The following AGAP1 variants were observed in gnomAD, a reference collection of about 807,000 sequenced individuals.
AGAP1 encodes the protein arf-GAP with GTPase, ANK repeat and PH domain-containing protein 1.
A neutral mutation model predicts 105.3 loss-of-function variants in AGAP1; 29 were observed. The observed-to-expected ratio is 0.28, with a 90% CI of 0.21 to 0.38. The LOEUF is 0.38. Ranked by LOEUF, AGAP1 falls within the 10% of genes least tolerant of loss-of-function variation. AGAP1 has a pLI of 1.00. For missense variants in AGAP1, 998 were observed against 1,165.1 expected (o/e 0.86, Z 2.09); for synonymous variants, 509 against 485.9 (o/e 1.05, Z -0.63).
At position 236,002,395 on chromosome 2, in the gene AGAP1, T is replaced by C. The variant is rs2056159997; in HGVS notation, c.1645+33772T>C. On this transcript the variant is annotated intron_variant, in intron 13 of 17. Transcript: ENST00000304032. This position sits in a 1 kb window ranked among gnomAD's most constrained non-coding sequence, Gnocchi z 4.3. Reference sequence around the variant, plus strand: ...CTCATCCCCTTTCCCATCCTCACTCTCTTCCAAGTATCTGATTGCACGCAT... The same window carrying C: ...CTCATCCCCTTTCCCATCCTCACTCCCTTCCAAGTATCTGATTGCACGCAT... Among the ~76,000 whole-genome samples the C allele has an allele frequency of 6.6e-6, 1 of 152,168 alleles. No individual in the cohort carries two copies. Among genetic ancestry groups the C allele is most frequent in the South Asian group, 2.1e-4 (1 of 4,826 alleles).
At position 235,535,089 on chromosome 2, in the gene AGAP1, C is replaced by A. The variant is rs1943166171; in HGVS notation, c.163+40240C>A. On this transcript the variant is annotated intron_variant, in intron 1 of 17. Transcript: ENST00000304032. The surrounding 1 kb of genome is among the most constrained non-coding windows in gnomAD (Gnocchi z 5.1). ...GTCTGCAGATGTAAAACGACCTGCT[C>A]CCCCAGGTGAATGGATTCTCGCCAG... 6.6e-6 allele frequency among the ~76,000 whole-genome samples: 1 copy of A among 152,128 alleles called. No homozygotes were observed. The highest frequency in any genetic ancestry group is 6.5e-5 in the Admixed American group (1 of 15,274).
At chr2:235,997,184 G>C (rs1048947863) in intron 13 of AGAP1, among the ~76,000 whole-genome samples, 4 of 152,186 alleles carry the variant, frequency 2.6e-5, no homozygotes, top group Non-Finnish European at 5.9e-5. Flanking sequence ...CTGCCTCCCA[G>C]GTTCAAGTGA....
chr2:235,860,896 G>A lies in AGAP1; in HGVS notation c.1051-22449G>A, dbSNP rs143207582. On this transcript the variant is annotated intron_variant, in intron 9 of 17. Coordinates refer to ENST00000304032, the MANE Select transcript of AGAP1 (RefSeq NM_001037131.3). The stretch of plus-strand genomic sequence containing the variant: ...GCAATTATTTAATATTGTTGATGGG[G>A]CCCATAAAACAAATAGTACCAAATC... Among the ~76,000 whole-genome samples the A allele has an allele frequency of 2.5e-3, 374 of 152,212 alleles. 1 individual carries two copies. The highest frequency in any genetic ancestry group is 8.1e-3 in the African/African-American group (337 of 41,524).
chr2:235,886,185 G>A (rs535379965), intron 10 of AGAP1, among the ~76,000 whole-genome samples: 2 of 152,334 alleles, frequency 1.3e-5, no homozygotes, highest in South Asian at 4.1e-4. Flanking sequence ...TCCTCCTATG[G>A]ACCCTGTCAG....
At position 235,659,856 on chromosome 2, in the gene AGAP1, T is replaced by A. The variant is rs1381912433; in HGVS notation, c.164-49323T>A. 6.6e-6 allele frequency among the ~76,000 whole-genome samples: 1 copy of A among 152,216 alleles called. No individual in the cohort carries two copies. The highest frequency in any genetic ancestry group is 2.4e-5 in the African/African-American group (1 of 41,462). ...GGAACCAGCCAGCCACCTCTGGTCC[T>A]GGGAGGGTCAGGGACTCGTGAATCA... On this transcript the variant is annotated intron_variant, in intron 1 of 17. Transcript: ENST00000304032. This position sits in a 1 kb window ranked among gnomAD's most constrained non-coding sequence, Gnocchi z 5.0.
chr2:235,580,361 C>T (rs200678186), intron 1 of AGAP1, among the ~76,000 whole-genome samples: 1 of 151,318 alleles, frequency 6.6e-6, no homozygotes, highest in Non-Finnish European at 1.5e-5. Context: ...GAAGACGTGC[C>T]GGCCGCTTAC....
chr2:235,857,204 G>A (rs1228516678), intron 9 of AGAP1, among the ~76,000 whole-genome samples: 1 of 152,132 alleles, frequency 6.6e-6, no homozygotes. Context: ...TCAGATCAGC[G>A]GAGGCATTAG....
chr2:235,604,305 C>G (rs1220839848), intron 1 of AGAP1, among the ~76,000 whole-genome samples: 1 of 151,836 alleles, frequency 6.6e-6, no homozygotes, highest in African/African-American at 2.4e-5. Context: ...CATAGTGAGA[C>G]CCCGCCTATA....
intron 1 of AGAP1, among the ~76,000 whole-genome samples, chr2:235,528,041 A>C (rs1332552183): frequency 6.6e-6 from 1 of 152,218 alleles, no homozygotes; most frequent in Non-Finnish European, 1.5e-5. Flanking sequence ...CAATGCAGTG[A>C]GGATATTTTC....
chr2:235,964,592 C>T lies in AGAP1; in HGVS notation c.1484-3870C>T, dbSNP rs556151567. ...GAATCAGGTAATGATCTTGGGGTCT[C>T]TGGATGCCCCACCCCCTGAACGTTA... On this transcript the variant is annotated intron_variant, in intron 12 of 17. Coordinates refer to ENST00000304032, the MANE Select transcript of AGAP1 (RefSeq NM_001037131.3). The surrounding 1 kb of genome is among the most constrained non-coding windows in gnomAD (Gnocchi z 4.6). Among the ~76,000 whole-genome samples, 3 of 152,290 alleles carry T rather than the reference C, an allele frequency of 2.0e-5. No individual in the cohort carries two copies. Among genetic ancestry groups the T allele is most frequent in the African/African-American group, 7.2e-5 (3 of 41,572 alleles).
Position 235,614,008 on chromosome 2 carries a change from GT to G in AGAP1, c.164-95159del, listed in dbSNP as rs35126827. ...GTCAGAATTCAGAATCTTTGGTATG[GT>G]TTTTTTTTTTTCCCCCTTTTGTGTG... On this transcript the variant is annotated intron_variant, in intron 1 of 17. Transcript: ENST00000304032. The surrounding 1 kb of genome is among the most constrained non-coding windows in gnomAD (Gnocchi z 4.7). 0.28 allele frequency among the ~76,000 whole-genome samples: 41,265 copies of G among 147,704 alleles called. 6,309 individuals carry two copies. The highest frequency in any genetic ancestry group is 0.41 in the African/African-American group (16,716 of 40,506).
chr2:236,083,837 G>A lies in AGAP1; in HGVS notation c.2114+34556G>A, dbSNP rs923112256. 1.3e-5 allele frequency among the ~76,000 whole-genome samples: 2 copies of A among 152,132 alleles called. No individual in the cohort carries two copies. Among genetic ancestry groups the A allele is most frequent in the African/African-American group, 4.8e-5 (2 of 41,418 alleles). On this transcript the variant is annotated intron_variant, in intron 16 of 17. Transcript: ENST00000304032. The surrounding 1 kb of genome is among the most constrained non-coding windows in gnomAD (Gnocchi z 5.3). ...TGCCTCTTCTGAGATCCCATTCGATGCTCTGCCCTCAATTAAATGAATCCG... is the reference window on the plus strand; with the variant it reads ...TGCCTCTTCTGAGATCCCATTCGATACTCTGCCCTCAATTAAATGAATCCG...
At chr2:235,825,147 G>A (rs950262997) in intron 9 of AGAP1, among the ~76,000 whole-genome samples, 4 of 152,228 alleles carry the variant, frequency 2.6e-5, no homozygotes, top group Non-Finnish European at 4.4e-5. Context: ...GACAGCCATC[G>A]TGGGTCAGAG....
intron 9 of AGAP1, chr2:235,853,130 A>T (rs2048549172): frequency 8.4e-7 from 1 of 1,192,462 alleles, no homozygotes; most frequent in African/African-American, 1.6e-5. Flanking sequence ...AAAGAAAAAA[A>T]CATTTACTGG....
chr2:235,632,368 T>C (rs939239340), intron 1 of AGAP1, among the ~76,000 whole-genome samples: 14 of 152,194 alleles, frequency 9.2e-5, no homozygotes, highest in African/African-American at 3.4e-4. Context: ...TGAGGGCAGC[T>C]CTGGGGGACT....
At chr2:235,766,223 C>T (rs1337281487) in intron 6 of AGAP1, among the ~76,000 whole-genome samples, 1 of 152,154 alleles carries the variant, frequency 6.6e-6, no homozygotes, top group Non-Finnish European at 1.5e-5. Context: ...GATAACACAT[C>T]GATTATTTTT....
In AGAP1 at chr2:235,927,173, G is replaced by T. The variant is rs6746431; in HGVS notation, c.1325-3592G>T. 1.3e-5 allele frequency among the ~76,000 whole-genome samples: 2 copies of T among 152,200 alleles called. No individual in the cohort carries two copies. The highest frequency in any genetic ancestry group is 1.9e-4 in the East Asian group (1 of 5,162). On this transcript the variant is annotated intron_variant, in intron 11 of 17. Coordinates refer to ENST00000304032, the MANE Select transcript of AGAP1 (RefSeq NM_001037131.3). The surrounding 1 kb of genome is among the most constrained non-coding windows in gnomAD (Gnocchi z 4.4). The stretch of plus-strand genomic sequence containing the variant: ...AAGTGGGTGTGGCTGGGGCTGGGGG[G>T]CCTTCACGAGCTATAGGGCTCTAAG...
intron 1 of AGAP1, among the ~76,000 whole-genome samples, chr2:235,534,089 C>T (rs1046573917): frequency 5.3e-5 from 8 of 152,184 alleles, no homozygotes; most frequent in African/African-American, 1.2e-4. Context: ...TCCTGTGGGC[C>T]GCAGAAGGAG....
Position 235,612,816 on chromosome 2 carries a change from T to C in AGAP1, c.164-96363T>C, listed in dbSNP as rs1946179329. 6.6e-6 allele frequency among the ~76,000 whole-genome samples: 1 copy of C among 152,106 alleles called. No individual in the cohort carries two copies. Among genetic ancestry groups the C allele is most frequent in the Non-Finnish European group, 1.5e-5 (1 of 68,024 alleles). On this transcript the variant is annotated intron_variant, in intron 1 of 17. Transcript: ENST00000304032. The surrounding 1 kb of genome is among the most constrained non-coding windows in gnomAD (Gnocchi z 4.3). ...CCTGCCAGCCGATGTTGTGATCTTG[T>C]GGAGGGAATGACCCCACGTCTCTGG...
Sources: allele counts gnomAD v4.1 joint callset (sites outside exome capture counted in the v4.1 genomes callset), GRCh38; gene constraint gnomAD v4.1.1; non-coding constraint Gnocchi (gnomAD v3.1); transcripts MANE v1.5; gene names NCBI Gene and HGNC (gene_info 2026-07-23, HGNC 2026-07-21).